The following DCC variants were observed in gnomAD, a reference collection of about 807,000 sequenced individuals.
DCC encodes the protein netrin receptor DCC.
In DCC, 58 loss-of-function variants were observed where a neutral mutation model predicts 172.5. That is an observed-to-expected ratio of 0.34 (90% CI 0.27 to 0.42). The LOEUF (loss-of-function observed/expected upper bound fraction) is 0.42, where lower values mean the gene tolerates loss of function less well. Among genes scored for constraint, DCC ranks in the 10% least tolerant of loss-of-function variants. DCC has a pLI of 1.00. For missense variants in DCC, 1,740 were observed against 1,791.0 expected, an observed-to-expected ratio of 0.97 and a Z score of 0.51; for synonymous variants, 709 against 644.5, an observed-to-expected ratio of 1.10 and a Z score of -1.52.
At chr18:52,879,884 C>T (rs1321503996) in intron 2 of DCC, among the ~76,000 whole-genome samples, 1 of 151,946 alleles carries the variant, frequency 6.6e-6, no homozygotes, top group Non-Finnish European at 1.5e-5. Context: ...AAATATTTTT[C>T]ATTTTAAATT....
chr18:53,406,722 A>AAAAAT (rs1909685395), intron 19 of DCC, among the ~76,000 whole-genome samples: 1 of 113,888 alleles, frequency 8.8e-6, no homozygotes, highest in Non-Finnish European at 2.1e-5. Context: ...AAAAAGAAAG[A>AAAAAT]AAGAAAAAAG....
chr18:52,640,020 T>C (rs573730724), intron 1 of DCC, among the ~76,000 whole-genome samples: 16 of 152,278 alleles, frequency 1.1e-4, no homozygotes, highest in Non-Finnish European at 2.2e-4. Flanking sequence ...TCCACCATGA[T>C]AAAGTGGGTT....
rs370626523 is a variant in DCC at position 52,966,129 on chromosome 18, G to A, written c.985+40759G>A. ...ATAGATCATTTCCCATAGTAAACAA[G>A]CAATCCTATCTAACCTTTTTCCCTT... On this transcript the variant is annotated intron_variant, in intron 5 of 28. Transcript: ENST00000442544. Among the ~76,000 whole-genome samples, 9 of 152,208 alleles carry A rather than the reference G, an allele frequency of 5.9e-5. No homozygotes were observed. The East Asian group carries it at 1.4e-3, about 23-fold the overall frequency.
intron 9 of DCC, among the ~76,000 whole-genome samples, chr18:53,180,518 C>T (rs2055178016): frequency 1.3e-5 from 2 of 152,170 alleles, no homozygotes; most frequent in South Asian, 4.1e-4. Context: ...AACGTGAGTC[C>T]TTGCACAACT....
intron 23 of DCC, among the ~76,000 whole-genome samples, chr18:53,456,404 C>G (rs1172096306): frequency 6.6e-6 from 1 of 152,122 alleles, no homozygotes; most frequent in African/African-American, 2.4e-5. Flanking sequence ...AGGAGACCCT[C>G]CTATTCTAGG....
intron 1 of DCC, among the ~76,000 whole-genome samples, chr18:52,644,825 G>A (rs1359002640): frequency 2.3e-5 from 3 of 133,232 alleles, no homozygotes; most frequent in African/African-American, 8.3e-5. Context: ...GGGAGGGAGG[G>A]AGGGAGGGAG....
intron 15 of DCC, among the ~76,000 whole-genome samples, chr18:53,376,418 A>G (rs564443725): frequency 6.6e-6 from 1 of 152,248 alleles, no homozygotes; most frequent in South Asian, 2.1e-4. Flanking sequence ...AAATAAACAA[A>G]CAAAAAGCAA....
In DCC at chr18:52,996,057, C is replaced by A. The variant is rs1191126377; in HGVS notation, c.986-67248C>A. On this transcript the variant is annotated intron_variant, in intron 5 of 28. Transcript: ENST00000442544. ...TCAGAAGCGTTTCCATATTTGTCAT[C>A]ATGTTAAATGGGAGCTTGGCTGTGG... Among the ~76,000 whole-genome samples the A allele has an allele frequency of 2.6e-5, 4 of 151,918 alleles. No individual in the cohort carries two copies. The East Asian group carries it at 7.7e-4, about 29-fold the overall frequency.
chr18:52,341,222 C>T (rs1983620840), intron 1 of DCC, among the ~76,000 whole-genome samples: 1 of 152,074 alleles, frequency 6.6e-6, no homozygotes, highest in East Asian at 1.9e-4. Context: ...CCTTAAAGCC[C>T]CAGAAACCTA....
At chr18:52,618,314 A>G (rs1213793622) in intron 1 of DCC, among the ~76,000 whole-genome samples, 1 of 152,216 alleles carries the variant, frequency 6.6e-6, no homozygotes, top group African/African-American at 2.4e-5. Context: ...AAAAAAAACA[A>G]ATCATGGTGA....
chr18:52,468,363 A>C (rs951514738), intron 1 of DCC, among the ~76,000 whole-genome samples: 1 of 152,226 alleles, frequency 6.6e-6, no homozygotes, highest in African/African-American at 2.4e-5. Context: ...AGAGACAAAG[A>C]TGAAAGTATG....
At chr18:53,020,871 C>A (rs937932578) in intron 5 of DCC, among the ~76,000 whole-genome samples, 1 of 152,004 alleles carries the variant, frequency 6.6e-6, no homozygotes, top group African/African-American at 2.4e-5. Flanking sequence ...GCAGAGCCTG[C>A]GGATTAATGG....
chr18:53,185,234 C>T (rs926377843), intron 9 of DCC, among the ~76,000 whole-genome samples: 2 of 152,016 alleles, frequency 1.3e-5, no homozygotes, highest in African/African-American at 4.8e-5. Flanking sequence ...ATTTAATGGT[C>T]AATTAGGCTA....
At chr18:53,179,214 CGAA>C (rs2055156638) in intron 9 of DCC, 98 bp downstream of exon 9, 2 of 1,226,732 alleles carry the variant, frequency 1.6e-6, no homozygotes, top group South Asian at 1.3e-5. Context: ...GTGACAAAAG[CGAA>C]GAAGAGTTTT....
intron 1 of DCC, among the ~76,000 whole-genome samples, chr18:52,457,911 G>GCAAA (rs66650533): frequency 1.1e-4 from 17 of 151,220 alleles, no homozygotes; most frequent in Non-Finnish European, 2.2e-4. Flanking sequence ...AAGCAAGCAA[G>GCAAA]CAAACAAACA....
At chr18:52,977,788 C>G (rs138716200) in intron 5 of DCC, among the ~76,000 whole-genome samples, 5,317 of 150,790 alleles carry the variant, frequency 0.035, 122 homozygotes, top group African/African-American at 0.054. Flanking sequence ...GTGAGGCTGA[C>G]GCAGGAGAAT....
chr18:53,145,268 C>T (rs574506830), intron 7 of DCC, among the ~76,000 whole-genome samples: 13 of 152,002 alleles, frequency 8.6e-5, no homozygotes, highest in African/African-American at 2.4e-4. Flanking sequence ...CGCCCGCCAC[C>T]ACGCCCCGCT....
chr18:52,402,522 T>C (rs1986480904), intron 1 of DCC, among the ~76,000 whole-genome samples: 1 of 152,022 alleles, frequency 6.6e-6, no homozygotes, highest in African/African-American at 2.4e-5. Flanking sequence ...AAGGAATTAT[T>C]ATTTCAACTG....
At chr18:52,486,873 G>A (rs566593422) in intron 1 of DCC, among the ~76,000 whole-genome samples, 1 of 152,190 alleles carries the variant, frequency 6.6e-6, no homozygotes, top group East Asian at 1.9e-4. Context: ...TTTACAGAAC[G>A]TTCTGATTTT....
Sources: allele counts gnomAD v4.1 joint callset (sites outside exome capture counted in the v4.1 genomes callset), GRCh38; gene constraint gnomAD v4.1.1; transcripts MANE v1.5; gene names NCBI Gene and HGNC (gene_info 2026-07-23, HGNC 2026-07-21).